The following ANKDD1B variants were observed in gnomAD, a reference collection of about 807,000 sequenced individuals.
The protein encoded by ANKDD1B is ankyrin repeat and death domain-containing protein 1B.
Under a neutral mutation model 59.7 loss-of-function variants are expected in ANKDD1B, and 57 were observed. The observed-to-expected ratio is 0.95, with a 90% CI of 0.77 to 1.19. The LOEUF (loss-of-function observed/expected upper bound fraction) is 1.19, where lower values mean the gene tolerates loss of function less well. Among genes scored for constraint, ANKDD1B ranks in the 50% most tolerant of loss-of-function variants. ANKDD1B has a pLI of 0.00. For synonymous variants in ANKDD1B, 216 were observed against 239.5 expected, an observed-to-expected ratio of 0.90 and a Z score of 0.91; for missense variants, 602 against 641.9, an observed-to-expected ratio of 0.94 and a Z score of 0.67.
rs1465483962 is a variant in ANKDD1B at position 75,656,037 on chromosome 5, G to C, written c.906G>C (p.Glu302Asp). The change falls in exon 9 of 14, where the codon GAG (glutamate) becomes GAC (aspartate). Residue 302 changes from glutamate to aspartate, a missense_variant. Glu to Asp is a conservative substitution (Grantham distance 45, BLOSUM62 2). Around this residue, in one of 3 missense-constraint regions of ANKDD1B, gnomAD observed 280 missense variants for 319.8 expected, o/e 0.88. Coordinates refer to ENST00000601380, the MANE Select transcript of ANKDD1B (RefSeq NM_001276713.2). ...VDLHQKVEPKESPLHLVVINN... is the reference protein window; with the variant it reads ...VDLHQKVEPKDSPLHLVVINN... ...TTTATTTCTCTCTGCAGCCTAAGGA[G>C]TCCCCTCTTCATTTAGTTGTTATCA... 6.8e-7 allele frequency: 1 copy of C among 1,472,862 alleles called. No individual in the cohort carries two copies. The highest frequency in any genetic ancestry group is 2.5e-5 in the East Asian group (1 of 40,448). The allele number at this position is 1,472,862 out of a possible 1,614,324, so 91.2% of individuals were successfully genotyped here.
At chr5:75,668,730 C>A (rs1047541696) in intron 12 of ANKDD1B, among the ~76,000 whole-genome samples, 4 of 152,208 alleles carry the variant, frequency 2.6e-5, no homozygotes, top group Non-Finnish European at 5.9e-5. Flanking sequence ...ATAATCCTGG[C>A]CCAGGGATGC....
At chr5:75,612,021 C>T (rs762822709) in intron 1 of ANKDD1B, among the ~76,000 whole-genome samples, 194 bp downstream of exon 1, 1 of 152,140 alleles carries the variant, frequency 6.6e-6, no homozygotes, top group African/African-American at 2.4e-5. Context: ...TTGGAATCCA[C>T]CCCCACCATG....
intron 10 of ANKDD1B, among the ~76,000 whole-genome samples, chr5:75,663,081 C>G (rs1245781298): frequency 6.6e-6 from 1 of 152,144 alleles, no homozygotes. Context: ...AAAGATACTT[C>G]CCAGAAGTTG....
intron 5 of ANKDD1B, among the ~76,000 whole-genome samples, chr5:75,630,900 CT>C (rs1463372202): frequency 1.3e-5 from 2 of 152,102 alleles, no homozygotes; most frequent in African/African-American, 4.8e-5. Context: ...GTTTAATATC[CT>C]TATGGATTTC....
chr5:75,635,733 G>C, intron 6 of ANKDD1B, 51 bp from the exon 7 acceptor site: 1 of 1,212,810 alleles, frequency 8.2e-7, no homozygotes, highest in East Asian at 2.6e-5. Context: ...TATTGAAGGA[G>C]CATGCTCTCC....
chr5:75,659,515 A>T (rs1301897973), intron 10 of ANKDD1B, 134 bp downstream of exon 10: 3 of 688,564 alleles, frequency 4.4e-6, no homozygotes, highest in Non-Finnish European at 7.5e-6. Context: ...GCATCTTCAT[A>T]GTCAGTAAAA....
chr5:75,629,142 T>C (rs974650300), intron 5 of ANKDD1B, among the ~76,000 whole-genome samples: 2 of 152,156 alleles, frequency 1.3e-5, no homozygotes, highest in Non-Finnish European at 1.5e-5. Flanking sequence ...TTTTCTTATA[T>C]AGACCCAAGG....
intron 11 of ANKDD1B, among the ~76,000 whole-genome samples, chr5:75,665,654 A>G (rs1343527699): frequency 6.6e-6 from 1 of 152,218 alleles, no homozygotes; most frequent in Non-Finnish European, 1.5e-5. Context: ...TTCTGTACAC[A>G]AAGTTCAGAT....
intron 11 of ANKDD1B, among the ~76,000 whole-genome samples, chr5:75,666,283 C>T (rs534850550): frequency 6.6e-6 from 1 of 152,250 alleles, no homozygotes; most frequent in African/African-American, 2.4e-5. Flanking sequence ...TTCCCCAAGC[C>T]CCAGCCTGAG....
At chr5:75,631,796 T>C (rs1454394669) in intron 5 of ANKDD1B, among the ~76,000 whole-genome samples, 1 of 152,142 alleles carries the variant, frequency 6.6e-6, no homozygotes, top group African/African-American at 2.4e-5. Flanking sequence ...CTGAAATGTT[T>C]AGTTGAACCT....
At chr5:75,618,258 T>A (rs1773763695) in intron 2 of ANKDD1B, among the ~76,000 whole-genome samples, 1 of 152,220 alleles carries the variant, frequency 6.6e-6, no homozygotes, top group Admixed American at 6.5e-5. Context: ...CTTTGAAGAT[T>A]ATTATGACCG....
intron 5 of ANKDD1B, among the ~76,000 whole-genome samples, chr5:75,627,403 C>G (rs1415386590): frequency 6.6e-6 from 1 of 152,102 alleles, no homozygotes; most frequent in Non-Finnish European, 1.5e-5. Flanking sequence ...TTCCATAACC[C>G]CCTTTCGTTT....
intron 5 of ANKDD1B, among the ~76,000 whole-genome samples, chr5:75,631,593 G>A (rs1028532274): frequency 2.0e-5 from 3 of 152,104 alleles, no homozygotes; most frequent in Non-Finnish European, 4.4e-5. Context: ...GGATGGCTCC[G>A]ACCCATCCAA....
In ANKDD1B at chr5:75,666,078, T is replaced by C. The variant is rs186169308; in HGVS notation, c.1192-714T>C. 4.8e-3 allele frequency among the ~76,000 whole-genome samples: 728 copies of C among 152,296 alleles called. 16 individuals carry two copies. Among genetic ancestry groups the C allele is most frequent in the Admixed American group, 0.038 (583 of 15,294 alleles). The stretch of plus-strand genomic sequence containing the variant: ...TTCTAGGAAGCAGTGATGCCTGCTT[T>C]CACTCAGTGATTTTCTCCGGTGTTT... On this transcript the variant is annotated intron_variant, in intron 11 of 13. Coordinates refer to ENST00000601380, the MANE Select transcript of ANKDD1B (RefSeq NM_001276713.2).
intron 3 of ANKDD1B, among the ~76,000 whole-genome samples, chr5:75,622,523 G>A (rs568040697): frequency 7.2e-5 from 11 of 152,262 alleles, no homozygotes; most frequent in Middle Eastern, 6.8e-3. Flanking sequence ...AGGCAGACTG[G>A]ATAAATGGAG....
At chr5:75,625,410 T>C (rs1773964071) in intron 3 of ANKDD1B, among the ~76,000 whole-genome samples, 1 of 152,238 alleles carries the variant, frequency 6.6e-6, no homozygotes, top group African/African-American at 2.4e-5. Context: ...TTTGTGAGTA[T>C]GGTATGATAT....
intron 11 of ANKDD1B, among the ~76,000 whole-genome samples, chr5:75,665,829 T>G (rs1775291114): frequency 6.6e-6 from 1 of 152,164 alleles, no homozygotes. Context: ...CTAGACAGTT[T>G]TGGTTCATTT....
At chr5:75,638,699 G>A (rs1316506114) in intron 7 of ANKDD1B, among the ~76,000 whole-genome samples, 1 of 152,002 alleles carries the variant, frequency 6.6e-6, no homozygotes, top group Non-Finnish European at 1.5e-5. Context: ...GGTCAGGCTG[G>A]TCTCAAACTC....
chr5:75,615,668 CTGTGTGTGTGTGTGTGTG>C (rs113185824), intron 1 of ANKDD1B, among the ~76,000 whole-genome samples: 3 of 144,238 alleles, frequency 2.1e-5, no homozygotes, highest in African/African-American at 7.7e-5. Context: ...CTGGTCTTCC[CTGTGTGTGTGTGTGTGTG>C]TGTGTGTGTG....
Sources: gnomAD v4.1 joint callset for allele counts (sites outside exome capture counted in the v4.1 genomes callset) on GRCh38, gnomAD v4.1.1 for gene constraint, gnomAD v4.1.1 regional missense constraint, MANE v1.5 for transcripts, NCBI Gene and HGNC (gene_info 2026-07-23, HGNC 2026-07-21) for gene names.